Variants in PLEKHA7 observed in about 807,000 individuals in gnomAD.
PLEKHA7 encodes pleckstrin homology domain-containing family A member 7.
A neutral mutation model predicts 170.0 loss-of-function variants in PLEKHA7; 104 were observed. The ratio of observed to expected loss-of-function variants is 0.61; its 90% CI spans 0.52 to 0.72. The LOEUF is 0.72. Ranked by LOEUF, PLEKHA7 falls within the 30% of genes least tolerant of loss-of-function variation. The probability of loss-of-function intolerance (pLI) is 0.00; values close to 1 mark genes in which losing one functional copy is unlikely to be tolerated. For missense variants in PLEKHA7, 1,615 were observed against 1,671.7 expected (o/e 0.97, Z 0.59); for synonymous variants, 648 against 660.8 (o/e 0.98, Z 0.30).
At chr11:16,821,264 TTATTG>T (rs1187101841) in intron 10 of PLEKHA7, among the ~76,000 whole-genome samples, 1 of 152,244 alleles carries the variant, frequency 6.6e-6, no homozygotes, top group African/African-American at 2.4e-5. Context: ...ACTCTGTTCC[TTATTG>T]TAGTGTTTGA....
rs139398813 is a variant in PLEKHA7, at chr11:16,826,353, C to A, written c.1110G>T (p.Glu370Asp). 2.5e-6 allele frequency: 4 copies of A among 1,614,260 alleles called. No homozygotes were observed. The highest frequency in any genetic ancestry group is 3.4e-6 in the Non-Finnish European group (4 of 1,180,048). ...KARSPYSPAEEDALFMDLPTG... is the reference protein window; with the variant it reads ...KARSPYSPAEDDALFMDLPTG... ...TGGGTAAATCCATAAACAAGGCATC[C>A]TCCTCGGCTGGCGAGTACGGAGACC... The change falls in exon 10 of 27, where the codon GAG becomes GAT. Residue 370 changes from glutamate (E) to aspartate (D), a missense_variant. Coordinates refer to ENST00000531066, the MANE Select transcript of PLEKHA7 (RefSeq NM_001329630.2).
intron 3 of PLEKHA7, among the ~76,000 whole-genome samples, chr11:16,889,541 G>T (rs1370230846): frequency 6.6e-6 from 1 of 150,408 alleles, no homozygotes; most frequent in Non-Finnish European, 1.5e-5. Context: ...AGTTGAAGCT[G>T]CTGTGAGCTG....
intron 3 of PLEKHA7, among the ~76,000 whole-genome samples, chr11:17,008,092 C>T (rs1865121123): frequency 6.6e-6 from 1 of 152,150 alleles, no homozygotes; most frequent in Non-Finnish European, 1.5e-5. Context: ...TAGCCTTACT[C>T]CAAGCCTCAG....
chr11:16,924,669 C>CT (rs1859364658), intron 3 of PLEKHA7, among the ~76,000 whole-genome samples: 1 of 152,036 alleles, frequency 6.6e-6, no homozygotes, highest in Non-Finnish European at 1.5e-5. Context: ...GTGCTGGTGC[C>CT]TTGGGGGAAT....
In PLEKHA7 at chr11:17,007,574, CTT is replaced by C. The variant is rs57078018; in HGVS notation, c.221+6413_221+6414del. On this transcript the variant is annotated intron_variant, in intron 3 of 26. Coordinates refer to ENST00000531066, the MANE Select transcript of PLEKHA7 (RefSeq NM_001329630.2). The stretch of plus-strand genomic sequence containing the variant: ...TTACATTTTAGGATCTCTAAAGATG[CTT>C]TTTTTTTTTTTTTTTGAGACAGAGT... Among the ~76,000 whole-genome samples the C allele has an allele frequency of 8.2e-3, 949 of 116,108 alleles. 8 individuals carry two copies. Among genetic ancestry groups the C allele is most frequent in the African/African-American group, 0.025 (788 of 31,522 alleles). 76.2% of individuals were successfully genotyped at this position (116,108 alleles called of 152,430 possible). A position where few individuals can be genotyped will look rare whatever the true frequency, so the allele number is the denominator to read the frequency against.
chr11:16,826,250 C>T lies in PLEKHA7; in HGVS notation c.1213G>A (p.Glu405Lys). 3.7e-6 allele frequency: 6 copies of T among 1,614,244 alleles called. No individual in the cohort carries two copies. Among genetic ancestry groups the T allele is most frequent in the Non-Finnish European group, 5.1e-6 (6 of 1,180,038 alleles). The change falls in exon 10 of 27, where the codon GAA (glutamate) becomes AAA (lysine). Residue 405 changes from glutamate (E) to lysine (K), a missense_variant. Glu to Lys is a moderately conservative substitution (Grantham distance 56). Coordinates refer to ENST00000531066, the MANE Select transcript of PLEKHA7 (RefSeq NM_001329630.2). ...GMLPASYGPGEQNGTGGYQRA... is the reference protein window; with the variant it reads ...GMLPASYGPGKQNGTGGYQRA... ...TGGTACCCACCAGTCCCATTCTGTT[C>T]TCCTGGGCCATATGAGGCAGGCAGC...
rs142313222 is a variant in PLEKHA7 at position 16,986,700 on chromosome 11, T to C, written c.221+27289A>G. On this transcript the variant is annotated intron_variant, in intron 3 of 26. Coordinates refer to ENST00000531066, the MANE Select transcript of PLEKHA7 (RefSeq NM_001329630.2). The stretch of plus-strand genomic sequence containing the variant: ...GCTGTCACCAACAACCTGAGTAACC[T>C]TGGGCAGGTGACTTCACCGCTGGGG... Among the ~76,000 whole-genome samples, 105 of 152,300 alleles carry C rather than the reference T, an allele frequency of 6.9e-4. 3 individuals carry two copies. The East Asian group carries it at 0.012, about 17-fold the overall frequency.
chr11:16,961,937 T>G (rs1862087838), intron 3 of PLEKHA7, among the ~76,000 whole-genome samples: 1 of 152,138 alleles, frequency 6.6e-6, no homozygotes, highest in South Asian at 2.1e-4. Flanking sequence ...GTCTGGCACA[T>G]AGTAAGTGCA....
At chr11:16,934,709 G>A (rs1315739345) in intron 3 of PLEKHA7, among the ~76,000 whole-genome samples, 1 of 152,168 alleles carries the variant, frequency 6.6e-6, no homozygotes, top group South Asian at 2.1e-4. Context: ...AATCCACTGT[G>A]GAACAGGATA....
At chr11:16,911,114 T>G (rs1055019015) in intron 3 of PLEKHA7, among the ~76,000 whole-genome samples, 11 of 152,208 alleles carry the variant, frequency 7.2e-5, no homozygotes, top group African/African-American at 2.4e-4. Context: ...GAGGAATCTG[T>G]TATAGGTGAT....
intron 10 of PLEKHA7, among the ~76,000 whole-genome samples, chr11:16,818,656 A>T (rs1849960570): frequency 6.6e-6 from 1 of 152,200 alleles, no homozygotes; most frequent in African/African-American, 2.4e-5. Flanking sequence ...AAAGACAGGA[A>T]CTGTGTTTCA....
chr11:16,797,784 T>A (rs575427352), intron 17 of PLEKHA7, among the ~76,000 whole-genome samples: 1 of 152,250 alleles, frequency 6.6e-6, no homozygotes, highest in East Asian at 1.9e-4. Context: ...AAGAAAGGGA[T>A]TAAACGCAGT....
chr11:16,786,787 G>A, intron 23 of PLEKHA7: 4 of 985,372 alleles, frequency 4.1e-6, no homozygotes, highest in Non-Finnish European at 4.8e-6. Context: ...CAGAATTAAT[G>A]GAAAAACACG....
At chr11:16,887,729 G>A (rs1316307189) in intron 3 of PLEKHA7, among the ~76,000 whole-genome samples, 1 of 152,230 alleles carries the variant, frequency 6.6e-6, no homozygotes, top group Non-Finnish European at 1.5e-5. Flanking sequence ...GCAGTGGCAT[G>A]ATCTTGGCTG....
intron 4 of PLEKHA7, among the ~76,000 whole-genome samples, chr11:16,869,053 C>T (rs564572358): frequency 1.3e-5 from 2 of 152,196 alleles, no homozygotes; most frequent in African/African-American, 4.8e-5. Context: ...GAGGACTGAA[C>T]TCAATAACCT....
At chr11:16,878,699 C>T (rs1346262195) in intron 3 of PLEKHA7, among the ~76,000 whole-genome samples, 2 of 152,164 alleles carry the variant, frequency 1.3e-5, no homozygotes, top group Non-Finnish European at 2.9e-5. Flanking sequence ...AGGTTCAAGG[C>T]GATTCTCCCT....
At chr11:16,975,755 A>G (rs1863021986) in intron 3 of PLEKHA7, among the ~76,000 whole-genome samples, 1 of 152,254 alleles carries the variant, frequency 6.6e-6, no homozygotes, top group African/African-American at 2.4e-5. Flanking sequence ...TAGGATTACA[A>G]GGGATTTTTA....
chr11:16,826,275 C>T lies in PLEKHA7; in HGVS notation c.1188G>A (p.Met396Ile). The T allele has an allele frequency of 6.2e-7, 1 of 1,614,238 alleles. No homozygotes were observed. The highest frequency in any genetic ancestry group is 1.1e-5 in the South Asian group (1 of 91,086). Residue 396 changes from methionine to isoleucine, a missense_variant, in exon 10 of 27, where the codon ATG (methionine) becomes ATA (isoleucine). Transcript: ENST00000531066. The stretch of plus-strand genomic sequence containing the variant: ...CTCCTGGGCCATATGAGGCAGGCAG[C>T]ATTCCATTCTTCTCTGCCCGTTGGG... Reference protein sequence around the residue: ...AQPQRAEKNGMLPASYGPGEQ... With the variant: ...AQPQRAEKNGILPASYGPGEQ...
intron 3 of PLEKHA7, among the ~76,000 whole-genome samples, chr11:16,957,245 C>T (rs1389000540): frequency 6.6e-6 from 1 of 152,174 alleles, no homozygotes; most frequent in Admixed American, 6.5e-5. Context: ...ATGTTCAACA[C>T]ATTATTACTT....
Sources: allele counts gnomAD v4.1 joint callset (sites outside exome capture counted in the v4.1 genomes callset), GRCh38; gene constraint gnomAD v4.1.1; transcripts MANE v1.5; gene names NCBI Gene and HGNC (gene_info 2026-07-23, HGNC 2026-07-21).